Variants in FSTL4 observed in about 807,000 individuals in gnomAD.
FSTL4 encodes the protein follistatin-related protein 4.
A neutral mutation model predicts 78.2 loss-of-function variants in FSTL4; 28 were observed. The ratio of observed to expected loss-of-function variants is 0.36; its 90% CI spans 0.27 to 0.49. The LOEUF is 0.49. Ranked by LOEUF, FSTL4 falls within the 20% of genes least tolerant of loss-of-function variation. The pLI is 0.98. For synonymous variants in FSTL4, 422 were observed against 440.5 expected (o/e 0.96, Z 0.53); for missense variants, 922 against 1,084.9 (o/e 0.85, Z 2.11).
chr5:133,678,329 T>C, the FSTL4 span, among the ~76,000 whole-genome samples: 1 of 152,082 alleles, frequency 6.6e-6, no homozygotes, highest in Non-Finnish European at 1.5e-5. Context: ...AAGCAAAAGG[T>C]AATGACAGCT....
chr5:133,238,913 T>C (rs1266851991), intron 7 of FSTL4, among the ~76,000 whole-genome samples: 1 of 152,218 alleles, frequency 6.6e-6, no homozygotes, highest in Non-Finnish European at 1.5e-5. Context: ...CCCTTCAGCC[T>C]GCCGCTGCAC....
chr5:133,687,132 G>A, the FSTL4 span, among the ~76,000 whole-genome samples: 1 of 152,178 alleles, frequency 6.6e-6, no homozygotes, highest in East Asian at 1.9e-4. Flanking sequence ...GGGGAACTGG[G>A]ACTGAGGACC....
intron 4 of FSTL4, among the ~76,000 whole-genome samples, chr5:133,339,759 G>C (rs959880528): frequency 4.6e-5 from 7 of 152,128 alleles, no homozygotes; most frequent in African/African-American, 1.7e-4. Flanking sequence ...GCTTCCTCTG[G>C]AACTTTCCTC....
chr5:133,822,141 CT>C, the FSTL4 span, among the ~76,000 whole-genome samples: 1 of 152,208 alleles, frequency 6.6e-6, no homozygotes, highest in Non-Finnish European at 1.5e-5. Context: ...TCCTCGCCCC[CT>C]GGACCCTGAT....
At chr5:133,617,298 C>CAAAA (rs145317097), upstream of FSTL4, among the ~76,000 whole-genome samples, 6 of 61,930 alleles carry the variant, frequency 9.7e-5, no homozygotes, top group Non-Finnish European at 8.9e-5. Context: ...GACTCCATCT[C>CAAAA]AAAAAAAAAA....
the FSTL4 span, among the ~76,000 whole-genome samples, chr5:133,721,596 T>C: frequency 1.3e-5 from 2 of 152,210 alleles, no homozygotes; most frequent in Admixed American, 6.5e-5. Context: ...ACTTTGAATA[T>C]ATCATCCCAT....
At chr5:133,828,519 C>T in the FSTL4 span, among the ~76,000 whole-genome samples, 7 of 152,306 alleles carry the variant, frequency 4.6e-5, no homozygotes, top group Admixed American at 1.3e-4. Context: ...TCGCTACATC[C>T]GTTCTGTAGG....
At chr5:133,825,456 G>A in the FSTL4 span, among the ~76,000 whole-genome samples, 1 of 152,180 alleles carries the variant, frequency 6.6e-6, no homozygotes, top group Non-Finnish European at 1.5e-5. Context: ...ATTTACCACT[G>A]CATTGACCTT....
the FSTL4 span, among the ~76,000 whole-genome samples, chr5:133,679,902 T>C: frequency 6.6e-6 from 1 of 152,032 alleles, no homozygotes; most frequent in Non-Finnish European, 1.5e-5. Context: ...CCAGGTAGCT[T>C]CCTGTCACTA....
chr5:133,201,228 G>T (rs1368610466), intron 15 of FSTL4, among the ~76,000 whole-genome samples: 1 of 152,212 alleles, frequency 6.6e-6, no homozygotes, highest in Non-Finnish European at 1.5e-5. Context: ...TCTGGCAGTG[G>T]TAAGTTTACA....
chr5:133,838,908 G>A, the FSTL4 span, among the ~76,000 whole-genome samples: 2 of 152,170 alleles, frequency 1.3e-5, no homozygotes, highest in African/African-American at 4.8e-5. Flanking sequence ...CACACGCATG[G>A]GCACACAGCA....
chr5:133,574,957 A>G, intron 2 of FSTL4: 1 of 152,352 alleles, frequency 6.6e-6, no homozygotes, highest in South Asian at 2.1e-4. Flanking sequence ...GATGCTGGAA[A>G]TGTTCTATAT....
chr5:133,699,895 A>C, the FSTL4 span, among the ~76,000 whole-genome samples: 1 of 151,468 alleles, frequency 6.6e-6, no homozygotes, highest in Non-Finnish European at 1.5e-5. Context: ...AAAAAAAAAA[A>C]AAAAAACAAC....
Position 133,572,817 on chromosome 5 carries a change from G to C in FSTL4, c.127-5598C>G, listed in dbSNP as rs140108276. The stretch of plus-strand genomic sequence containing the variant: ...CAAAATTAGTGCTATGACACCAAAG[G>C]AATGAAGTAACCAAAACTGTCTCAT... On this transcript the variant is annotated intron_variant, in intron 2 of 15. Coordinates refer to ENST00000265342, the MANE Select transcript of FSTL4 (RefSeq NM_015082.2). 2.1e-3 allele frequency among the ~76,000 whole-genome samples: 313 copies of C among 152,068 alleles called. 2 individuals carry two copies. Among genetic ancestry groups the C allele is most frequent in the Middle Eastern group, 0.01 (3 of 294 alleles).
At chr5:133,444,460 A>G (rs1443011276) in intron 3 of FSTL4, among the ~76,000 whole-genome samples, 2 of 152,196 alleles carry the variant, frequency 1.3e-5, no homozygotes, top group African/African-American at 4.8e-5. Flanking sequence ...TTGCCCAGAC[A>G]TGTTGTGCTC....
intron 6 of FSTL4, among the ~76,000 whole-genome samples, chr5:133,250,491 G>C (rs1343161809): frequency 6.6e-6 from 1 of 152,244 alleles, no homozygotes; most frequent in Non-Finnish European, 1.5e-5. Context: ...TCTCGGTGCA[G>C]TGGGTACTAT....
chr5:133,624,062 A>C, the FSTL4 span, among the ~76,000 whole-genome samples: 1 of 152,008 alleles, frequency 6.6e-6, no homozygotes, highest in South Asian at 2.1e-4. Context: ...TAAAAGTTAA[A>C]CATAAAATGG....
chr5:133,747,873 G>A, the FSTL4 span, among the ~76,000 whole-genome samples: 1 of 152,082 alleles, frequency 6.6e-6, no homozygotes, highest in Non-Finnish European at 1.5e-5. Context: ...GATGGGTGGG[G>A]ATCAAATGGC....
intron 4 of FSTL4, among the ~76,000 whole-genome samples, chr5:133,332,703 A>T (rs559483092): frequency 6.6e-6 from 1 of 152,246 alleles, no homozygotes; most frequent in East Asian, 1.9e-4. Context: ...GCAGAAGGGC[A>T]AATACTGAGA....
Sources: gnomAD v4.1 joint callset for allele counts (sites outside exome capture counted in the v4.1 genomes callset) on GRCh38, gnomAD v4.1.1 for gene constraint, MANE v1.5 for transcripts, NCBI Gene and HGNC (gene_info 2026-07-23, HGNC 2026-07-21) for gene names.